Variants in ST7L observed in about 807,000 individuals in gnomAD.
The protein encoded by ST7L is suppression of tumorigenicity 7 like, also known as suppressor of tumorigenicity 7 protein-like.
A neutral mutation model predicts 72.5 loss-of-function variants in ST7L; 57 were observed. The observed-to-expected ratio is 0.79, with a 90% CI of 0.64 to 0.98. ST7L has a LOEUF of 0.98. Among genes scored for constraint, ST7L ranks in the 50% least tolerant of loss-of-function variants. ST7L has a pLI of 0.00. For synonymous variants in ST7L, 221 were observed against 240.9 expected, an observed-to-expected ratio of 0.92 and a Z score of 0.77; for missense variants, 576 against 672.2, an observed-to-expected ratio of 0.86 and a Z score of 1.58.
chr1:112,541,006 T>C (rs1656003097), intron 14 of ST7L: 1 of 518,744 alleles, frequency 1.9e-6, no homozygotes. Context: ...AAATAGTTGC[T>C]GGGCATGGCG....
At chr1:112,573,492 CAACTT>C (rs1307857337) in intron 11 of ST7L, among the ~76,000 whole-genome samples, 2 of 150,308 alleles carry the variant, frequency 1.3e-5, no homozygotes, top group East Asian at 3.9e-4. Flanking sequence ...TAGAAAAATA[CAACTT>C]AACAAAAACA....
At chr1:112,546,606 G>C (rs1030360464) in intron 13 of ST7L, among the ~76,000 whole-genome samples, 3 of 152,258 alleles carry the variant, frequency 2.0e-5, no homozygotes, top group East Asian at 3.9e-4. Flanking sequence ...GCCAGGGACA[G>C]AGAGATATAC....
At chr1:112,586,910 T>C (rs1664950647) in intron 6 of ST7L, among the ~76,000 whole-genome samples, 1 of 152,198 alleles carries the variant, frequency 6.6e-6, no homozygotes, top group Admixed American at 6.5e-5. Context: ...ACTTCATACC[T>C]ATTAAGTAGT....
intron 4 of ST7L, 26 bp from the exon 5 acceptor site, chr1:112,598,112 T>A: frequency 6.5e-7 from 1 of 1,538,018 alleles, no homozygotes; most frequent in African/African-American, 1.4e-5. Context: ...ACAAAATATT[T>A]AAATTGAACA....
At chr1:112,526,991 C>G (rs906512370) in intron 14 of ST7L, 1 of 152,218 alleles carries the variant, frequency 6.6e-6, no homozygotes, top group African/African-American at 2.4e-5. Flanking sequence ...ATGAGGCAGA[C>G]AGCAGATTTT....
chr1:112,594,201 T>C (rs1248859402), intron 5 of ST7L, among the ~76,000 whole-genome samples: 1 of 145,194 alleles, frequency 6.9e-6, no homozygotes, highest in Non-Finnish European at 1.5e-5. Flanking sequence ...CTTTCTCTTA[T>C]TTTACAGAAA....
rs71084480 is a variant in ST7L at position 112,599,127 on chromosome 1, TACACACACACACACAC to T, written c.507-1057_507-1042del. 5.5e-3 allele frequency among the ~76,000 whole-genome samples: 567 copies of T among 103,814 alleles called. 4 individuals are homozygous for T. Among genetic ancestry groups the T allele is most frequent in the Middle Eastern group, 0.019 (4 of 210 alleles). 68.1% of individuals were successfully genotyped at this position (103,814 alleles called of 152,430 possible). On this transcript the variant is annotated intron_variant, in intron 4 of 14. Coordinates refer to ENST00000358039, the MANE Select transcript of ST7L (RefSeq NM_017744.5). ...ATATATATATGTGGATGTGTGTGTA[TACACACACACACACAC>T]ACACACACACACACACACTTCTTTT...
chr1:112,593,733 C>A (rs1408200417), intron 5 of ST7L, among the ~76,000 whole-genome samples: 1 of 152,000 alleles, frequency 6.6e-6, no homozygotes, highest in African/African-American at 2.4e-5. Context: ...CAATGGTGGG[C>A]CCTTCTGGAT....
intron 11 of ST7L, among the ~76,000 whole-genome samples, chr1:112,572,463 T>C (rs1446224073): frequency 1.3e-5 from 2 of 152,108 alleles, no homozygotes; most frequent in Admixed American, 1.3e-4. Flanking sequence ...TTTCTCAACA[T>C]GAGCAAAGCA....
chr1:112,549,317 C>T (rs1048030252), intron 13 of ST7L, among the ~76,000 whole-genome samples: 36 of 152,114 alleles, frequency 2.4e-4, no homozygotes, highest in African/African-American at 8.0e-4. Context: ...CGCCTGAACC[C>T]AGGAGGCGGA....
chr1:112,540,215 C>T, intron 14 of ST7L: 1 of 985,420 alleles, frequency 1.0e-6, no homozygotes, highest in Non-Finnish European at 1.2e-6. Context: ...TATTTCACTT[C>T]CTTCCCACTC....
At position 112,555,852 on chromosome 1, in the gene ST7L, G is replaced by C. The variant is rs1659024983; in HGVS notation, c.1396+16C>G. 6.8e-7 allele frequency: 1 copy of C among 1,478,434 alleles called. No individual in the cohort carries two copies. The highest frequency in any genetic ancestry group is 9.0e-7 in the Non-Finnish European group (1 of 1,107,448). 91.6% of individuals were successfully genotyped at this position (1,478,434 alleles called of 1,614,324 possible). A position where few individuals can be genotyped will look rare whatever the true frequency, so the allele number is the denominator to read the frequency against. ...AGTTAGAGAGATTAGTGTTACTTTTGGAAAAGAATACTTACTGCCTTCCCA... is the reference window on the plus strand; with the variant it reads ...AGTTAGAGAGATTAGTGTTACTTTTCGAAAAGAATACTTACTGCCTTCCCA... On this transcript the variant is annotated intron_variant, in intron 12 of 14. Coordinates refer to ENST00000358039, the MANE Select transcript of ST7L (RefSeq NM_017744.5).
chr1:112,562,612 T>C (rs1031896477), intron 11 of ST7L, among the ~76,000 whole-genome samples: 1 of 151,878 alleles, frequency 6.6e-6, no homozygotes, highest in Non-Finnish European at 1.5e-5. Context: ...ACAATGGCGG[T>C]GAGGTATGAT....
intron 12 of ST7L, among the ~76,000 whole-genome samples, chr1:112,551,197 G>A (rs949671932): frequency 1.5e-5 from 2 of 130,106 alleles, no homozygotes; most frequent in Non-Finnish European, 3.1e-5. Context: ...TGCCCAGGCT[G>A]GAGTGCAGTG....
intron 3 of ST7L, among the ~76,000 whole-genome samples, chr1:112,609,227 T>C (rs1049438761): frequency 3.9e-5 from 6 of 152,102 alleles, no homozygotes; most frequent in African/African-American, 1.4e-4. Context: ...TTATGTATCA[T>C]TAAAAATATT....
intron 14 of ST7L, chr1:112,526,859 C>T (rs1653515811): frequency 6.6e-6 from 1 of 152,222 alleles, no homozygotes; most frequent in South Asian, 2.1e-4. Flanking sequence ...CTAAGAAACT[C>T]CCATCCCAAG....
Position 112,550,693 on chromosome 1 carries a change from G to T in ST7L, c.1397C>A (p.Thr466Asn). 3 of 1,609,678 alleles carry T rather than the reference G, an allele frequency of 1.9e-6. No homozygotes were observed. The highest frequency in any genetic ancestry group is 1.7e-6 in the Non-Finnish European group (2 of 1,177,420). The change falls in exon 13 of 15, where the codon ACT (threonine) becomes AAT (asparagine). Residue 466 changes from threonine to asparagine, a missense_variant and splice_region_variant. By Grantham distance (65) the Thr-to-Asn change is moderately conservative. Coordinates refer to ENST00000358039, the MANE Select transcript of ST7L (RefSeq NM_017744.5). ...TAACGGGTATGGAATCATTCTAAAA[G>T]CTGAGGAAAAAAAAGCATGTGTTGA... is the stretch of plus-strand genomic sequence containing the variant. ...LNLLQCTWEG[T>N]FRMIPYPLEK...
In ST7L at chr1:112,582,456, T is replaced by G; in HGVS notation, c.873A>C (p.Val291=). The G allele has an allele frequency of 6.2e-7, 1 of 1,601,004 alleles. No homozygotes were observed. The highest frequency in any genetic ancestry group is 2.2e-5 in the East Asian group (1 of 44,626). Reference sequence around the variant, plus strand: ...CCAATCTTCTTTTAATATATACCAGTACATTGGTATCTCTCCCTATTTAGA... The same window carrying G: ...CCAATCTTCTTTTAATATATACCAGGACATTGGTATCTCTCCCTATTTAGA... ...HEAQLRRDTN[V]LVYIKRRLAM... Residue 291 remains valine (V), a synonymous_variant, in exon 8 of 15, where the codon GTA becomes GTC. Coordinates refer to ENST00000358039, the MANE Select transcript of ST7L (RefSeq NM_017744.5).
chr1:112,566,135 C>T (rs1190064746), intron 11 of ST7L, among the ~76,000 whole-genome samples: 1 of 152,010 alleles, frequency 6.6e-6, no homozygotes, highest in African/African-American at 2.4e-5. Flanking sequence ...AGGCATGATA[C>T]TTTTACAATG....
Sources: gnomAD v4.1 joint callset for allele counts (sites outside exome capture counted in the v4.1 genomes callset) on GRCh38, gnomAD v4.1.1 for gene constraint, MANE v1.5 for transcripts, NCBI Gene and HGNC (gene_info 2026-07-23, HGNC 2026-07-21) for gene names.